The following ZC3H12B variants were observed in gnomAD, a reference collection of about 807,000 sequenced individuals.
ZC3H12B encodes the protein probable ribonuclease ZC3H12B.
In ZC3H12B, 7 loss-of-function variants were observed where a neutral mutation model predicts 43.9. The observed-to-expected ratio is 0.16, with a 90% CI of 0.09 to 0.30. The LOEUF (loss-of-function observed/expected upper bound fraction) is 0.30, where lower values mean the gene tolerates loss of function less well. Among genes scored for constraint, ZC3H12B ranks in the 10% least tolerant of loss-of-function variants. ZC3H12B has a pLI of 1.00. For missense variants in ZC3H12B, 475 were observed against 670.2 expected (o/e 0.71, Z 3.22); for synonymous variants, 222 against 241.7 (o/e 0.92, Z 0.76).
the ZC3H12B span, among the ~76,000 whole-genome samples, chrX:65,356,280 C>T: frequency 3.6e-5 from 4 of 111,795 alleles, no homozygotes; most frequent in Non-Finnish European, 5.6e-5. Context: ...AGAGCTTTTC[C>T]TGGCCCCACA....
chrX:65,120,742 T>C, the ZC3H12B span, among the ~76,000 whole-genome samples: 1 of 111,643 alleles, frequency 9.0e-6, no homozygotes, highest in Non-Finnish European at 1.9e-5. Flanking sequence ...TCAAAGGGAA[T>C]GCTTCCAGTT....
chrX:65,206,531 A>C, the ZC3H12B span, among the ~76,000 whole-genome samples: 1 of 112,443 alleles, frequency 8.9e-6, no homozygotes, highest in East Asian at 2.8e-4. Flanking sequence ...TTAAGGATTT[A>C]AATGTAAGAC....
At chrX:65,351,637 C>T in the ZC3H12B span, among the ~76,000 whole-genome samples, 51 of 112,128 alleles carry the variant, frequency 4.5e-4, no homozygotes, top group Non-Finnish European at 8.6e-4. Flanking sequence ...ACAAACAACC[C>T]CATCAAAAAG....
At chrX:65,352,316 C>T in the ZC3H12B span, among the ~76,000 whole-genome samples, 6 of 110,926 alleles carry the variant, frequency 5.4e-5, no homozygotes, top group Non-Finnish European at 7.6e-5. Flanking sequence ...GGGCCTGTCC[C>T]GGGGGTGGGA....
At chrX:65,427,292 TC>T (rs2067094765) in intron 3 of ZC3H12B, among the ~76,000 whole-genome samples, 1 of 111,655 alleles carries the variant, frequency 9.0e-6, no homozygotes, top group Non-Finnish European at 1.9e-5. Flanking sequence ...CTGTTTTTTT[TC>T]TGTTTTCCAT....
the ZC3H12B span, among the ~76,000 whole-genome samples, chrX:65,070,404 G>A: frequency 9.1e-6 from 1 of 109,672 alleles, no homozygotes; most frequent in Non-Finnish European, 1.9e-5. Context: ...TGTTTTGTAT[G>A]TTTTTTGTTT....
chrX:65,308,324 A>C, the ZC3H12B span, among the ~76,000 whole-genome samples: 1 of 110,994 alleles, frequency 9.0e-6, no homozygotes, highest in South Asian at 3.8e-4. Context: ...AAAGCAAAAA[A>C]AAGCAGGGGT....
At chrX:65,228,805 A>G in the ZC3H12B span, among the ~76,000 whole-genome samples, 2 of 111,902 alleles carry the variant, frequency 1.8e-5, no homozygotes, top group South Asian at 3.7e-4. Context: ...AGAATAAAAT[A>G]CCTAGGAATC....
intron 4 of ZC3H12B, among the ~76,000 whole-genome samples, chrX:65,500,938 C>A (rs2068358586): frequency 9.0e-6 from 1 of 110,722 alleles, no homozygotes; most frequent in Admixed American, 9.7e-5. Context: ...ATCTTTAAGT[C>A]ACACAGTATT....
At chrX:65,307,122 CTT>C in the ZC3H12B span, among the ~76,000 whole-genome samples, 4 of 112,247 alleles carry the variant, frequency 3.6e-5, no homozygotes, top group Admixed American at 9.4e-5. Context: ...TATGTGAAAA[CTT>C]ATAAAATTGT....
At chrX:65,239,490 T>A in the ZC3H12B span, among the ~76,000 whole-genome samples, 5 of 110,771 alleles carry the variant, frequency 4.5e-5, no homozygotes, top group African/African-American at 6.6e-5. Context: ...ATGTGATGGG[T>A]CTTTTGAAGA....
chrX:65,455,643 C>A (rs185633966), intron 3 of ZC3H12B, among the ~76,000 whole-genome samples: 244 of 111,445 alleles, frequency 2.2e-3, no homozygotes, highest in Middle Eastern at 0.018. Context: ...AAAGATACTC[C>A]TTGAGAAGAG....
chrX:65,190,000 T>G, the ZC3H12B span, among the ~76,000 whole-genome samples: 15 of 111,023 alleles, frequency 1.4e-4, no homozygotes, highest in East Asian at 4.2e-3. Context: ...GGATCCAGTT[T>G]CAGCTTCCTA....
the ZC3H12B span, among the ~76,000 whole-genome samples, chrX:65,149,766 AT>A: frequency 2.1e-4 from 1 of 4,688 alleles, no homozygotes; most frequent in African/African-American, 2.8e-3. Context: ...TTAATCTCAA[AT>A]AATAATAATA....
At chrX:65,324,665 C>T in the ZC3H12B span, among the ~76,000 whole-genome samples, 2 of 111,081 alleles carry the variant, frequency 1.8e-5, no homozygotes, top group African/African-American at 6.5e-5. Flanking sequence ...AAAGTTACTT[C>T]GTATGATTTA....
the ZC3H12B span, among the ~76,000 whole-genome samples, chrX:65,299,616 T>G: frequency 1.8e-5 from 2 of 111,627 alleles, no homozygotes; most frequent in Non-Finnish European, 3.8e-5. Flanking sequence ...AATTCTGCAT[T>G]TAAATTAAAT....
chrX:65,326,513 G>A, the ZC3H12B span, among the ~76,000 whole-genome samples: 20 of 110,055 alleles, frequency 1.8e-4, no homozygotes, highest in African/African-American at 6.3e-4. Context: ...GAATAGTATA[G>A]GGTAGGGACG....
chrX:65,118,045 G>A, the ZC3H12B span, among the ~76,000 whole-genome samples: 1 of 111,642 alleles, frequency 9.0e-6, no homozygotes, highest in African/African-American at 3.3e-5. Context: ...GGCAATGTGG[G>A]CTCTTTTTTG....
the ZC3H12B span, among the ~76,000 whole-genome samples, chrX:65,169,722 A>G: frequency 8.9e-6 from 1 of 111,873 alleles, no homozygotes; most frequent in African/African-American, 3.2e-5. Context: ...GTGTTCCTGT[A>G]TTGGGTGCAT....
Sources: allele counts gnomAD v4.1 joint callset (sites outside exome capture counted in the v4.1 genomes callset), GRCh38; gene constraint gnomAD v4.1.1; transcripts MANE v1.5; gene names NCBI Gene and HGNC (gene_info 2026-07-23, HGNC 2026-07-21).